The following SLC17A4 variants were observed in gnomAD, a reference collection of about 807,000 sequenced individuals.
SLC17A4 encodes solute carrier family 17 member 4.
SLC17A4 carries 33 observed loss-of-function variants against 52.5 expected under a neutral mutation model. That is an observed-to-expected ratio of 0.63 (90% CI 0.48 to 0.84). The LOEUF is 0.84. SLC17A4 is among the 40% of genes least tolerant of loss of function. SLC17A4 has a pLI of 0.00. For missense variants in SLC17A4, 585 were observed against 597.1 expected, an observed-to-expected ratio of 0.98 and a Z score of 0.21; for synonymous variants, 225 against 216.2, an observed-to-expected ratio of 1.04 and a Z score of -0.36.
Position 25,778,311 on chromosome 6 carries a change from A to G in SLC17A4, c.1359+295A>G, listed in dbSNP as rs1422509282. ...CATTCACTTACTGGTGAAAAACCAC[A>G]GGAAAGTTAAAGAATGACTTTCCTG... On this transcript the variant is annotated intron_variant, in intron 11 of 11. Coordinates refer to ENST00000377905, the MANE Select transcript of SLC17A4 (RefSeq NM_005495.3). 2.6e-5 allele frequency among the ~76,000 whole-genome samples: 4 copies of G among 151,834 alleles called. No individual in the cohort carries two copies. In the East Asian group the frequency reaches 7.7e-4, roughly 29 times the overall value.
At chr6:25,765,055 G>A (rs1380400240) in intron 2 of SLC17A4, among the ~76,000 whole-genome samples, 1 of 152,150 alleles carries the variant, frequency 6.6e-6, no homozygotes, top group Non-Finnish European at 1.5e-5. Context: ...CAGCATGGGT[G>A]GCCCTGTGCA....
rs1218191265 is a variant in SLC17A4, at chr6:25,777,919, C to G, written c.1269-7C>G. The G allele has an allele frequency of 1.2e-6, 2 of 1,606,274 alleles. No homozygotes were observed. The highest frequency in any genetic ancestry group is 2.7e-5 in the African/African-American group (2 of 74,760). ...GGTTATAATAGAGTACCATCTCTCT[C>G]TCTCAGGTACACTGGCTTTCTCAAA... On this transcript the variant is annotated splice_polypyrimidine_tract_variant and splice_region_variant and intron_variant, in intron 10 of 11. Coordinates refer to ENST00000377905, the MANE Select transcript of SLC17A4 (RefSeq NM_005495.3).
chr6:25,770,669 G>C (rs1762409577), intron 5 of SLC17A4, among the ~76,000 whole-genome samples, 198 bp downstream of exon 5: 1 of 152,080 alleles, frequency 6.6e-6, no homozygotes, highest in African/African-American at 2.4e-5. Context: ...CTTGTGTTTT[G>C]CACATATTTT....
intron 2 of SLC17A4, among the ~76,000 whole-genome samples, chr6:25,766,064 AT>A (rs1198945393): frequency 6.6e-6 from 1 of 151,208 alleles, no homozygotes; most frequent in Non-Finnish European, 1.5e-5. Context: ...AGGAATTATA[AT>A]TTATAATTAT....
In SLC17A4 at chr6:25,769,135, C is replaced by T; in HGVS notation, c.242C>T (p.Pro81Leu). The T allele has an allele frequency of 6.2e-7, 1 of 1,613,990 alleles. No individual in the cohort carries two copies. The highest frequency in any genetic ancestry group is 8.5e-7 in the Non-Finnish European group (1 of 1,179,916). ...CAGCCCAATGCTTCCACAGAACGGC[C>T]CTCCACTGACTCCCAGGGCTACTGG... ...PSQPNASTER[P>L]STDSQGYWNE... Residue 81 changes from proline (P) to leucine (L), a missense_variant, in exon 3 of 12, where the codon CCC becomes CTC. Transcript: ENST00000377905.
chr6:25,773,707 G>C, intron 8 of SLC17A4, 33 bp downstream of exon 8: 1 of 1,598,326 alleles, frequency 6.3e-7, no homozygotes, highest in East Asian at 2.2e-5. Context: ...CTGATCTTCT[G>C]TTTAAATGCT....
chr6:25,760,539 C>T (rs1479470509), intron 1 of SLC17A4, among the ~76,000 whole-genome samples: 4 of 152,046 alleles, frequency 2.6e-5, no homozygotes, highest in Non-Finnish European at 5.9e-5. Context: ...AATTCCTATC[C>T]GTTATTTCCT....
chr6:25,773,702 C>T (rs1192950044), intron 8 of SLC17A4, 28 bp downstream of exon 8: 4 of 1,604,106 alleles, frequency 2.5e-6, no homozygotes, highest in Non-Finnish European at 2.6e-6. Context: ...TCATTCTGAT[C>T]TTCTGTTTAA....
intron 5 of SLC17A4, 45 bp downstream of exon 5, chr6:25,770,516 A>G: frequency 6.4e-7 from 1 of 1,571,874 alleles, no homozygotes; most frequent in South Asian, 1.1e-5. Context: ...TGTCCAGGAG[A>G]ACTCAGCAAA....
intron 1 of SLC17A4, among the ~76,000 whole-genome samples, chr6:25,755,515 G>A (rs1760938155): frequency 6.6e-6 from 1 of 152,120 alleles, no homozygotes; most frequent in Non-Finnish European, 1.5e-5. Context: ...CTGATAACTA[G>A]CAGAGGAACA....
At chr6:25,770,870 CAT>C (rs1156714682) in intron 5 of SLC17A4, 54 bp from the exon 6 acceptor site, 1 of 1,359,902 alleles carries the variant, frequency 7.4e-7, no homozygotes, top group Non-Finnish European at 1.1e-6. Context: ...GTAGAAAGCA[CAT>C]AGAGCCCCAA....
chr6:25,769,161 A>G lies in SLC17A4; in HGVS notation c.268A>G (p.Asn90Asp). The G allele has an allele frequency of 6.2e-7, 1 of 1,614,064 alleles. No homozygotes were observed. Among genetic ancestry groups the G allele is most frequent in the Non-Finnish European group, 8.5e-7 (1 of 1,179,954 alleles). Residue 90 changes from asparagine to aspartate, a missense_variant, in exon 3 of 12, where the codon AAT (asparagine) becomes GAT (aspartate). Asn to Asp is a conservative substitution (Grantham distance 23). Coordinates refer to ENST00000377905, the MANE Select transcript of SLC17A4 (RefSeq NM_005495.3). ...RPSTDSQGYW[N>D]ETLKEFKAMA... ...CTCCACTGACTCCCAGGGCTACTGG[A>G]ATGAAACTCTAAAAGAATTTAAAGC...
At chr6:25,760,506 T>C (rs974988419) in intron 1 of SLC17A4, among the ~76,000 whole-genome samples, 1 of 152,194 alleles carries the variant, frequency 6.6e-6, no homozygotes, top group African/African-American at 2.4e-5. Flanking sequence ...CTGAGAAATC[T>C]TGTGGTTTCA....
At chr6:25,764,172 T>C (rs1279374999) in intron 2 of SLC17A4, among the ~76,000 whole-genome samples, 2 of 152,184 alleles carry the variant, frequency 1.3e-5, no homozygotes, top group East Asian at 3.9e-4. Context: ...TGGTTTCTCA[T>C]TGAGTTCGGC....
At chr6:25,756,479 T>G (rs1177423935) in intron 1 of SLC17A4, among the ~76,000 whole-genome samples, 1 of 152,154 alleles carries the variant, frequency 6.6e-6, no homozygotes, top group Admixed American at 6.5e-5. Flanking sequence ...TTTCATACCA[T>G]GTGGCATTCT....
At position 25,771,097 on chromosome 6, in the gene SLC17A4, T is replaced by C. The variant is rs553587152; in HGVS notation, c.706+85T>C. The C allele has an allele frequency of 2.3e-5, 25 of 1,093,890 alleles. No homozygotes were observed. The South Asian group carries it at 3.1e-4, about 13-fold the overall frequency. 67.8% of individuals were successfully genotyped at this position (1,093,890 alleles called of 1,614,324 possible). ...CTATGGTTAACCAAATCCTAATAGATATGGATATTTACATAGCTAAAGCTG... is the reference window on the plus strand; with the variant it reads ...CTATGGTTAACCAAATCCTAATAGACATGGATATTTACATAGCTAAAGCTG... On this transcript the variant is annotated intron_variant, in intron 6 of 11. Coordinates refer to ENST00000377905, the MANE Select transcript of SLC17A4 (RefSeq NM_005495.3).
At chr6:25,771,101 G>A in intron 6 of SLC17A4, 89 bp downstream of exon 6, 1 of 1,057,022 alleles carries the variant, frequency 9.5e-7, no homozygotes, top group Non-Finnish European at 1.5e-6. Flanking sequence ...AATAGATATG[G>A]ATATTTACAT....
intron 5 of SLC17A4, 108 bp downstream of exon 5, chr6:25,770,579 C>G: frequency 9.7e-7 from 1 of 1,031,712 alleles, no homozygotes; most frequent in Non-Finnish European, 1.5e-6. Flanking sequence ...TCTTCATAGT[C>G]CTTTCCTTAA....
chr6:25,777,816 T>A, intron 10 of SLC17A4, 110 bp from the exon 11 acceptor site: 1 of 825,916 alleles, frequency 1.2e-6, no homozygotes. Context: ...GCAGACCAGC[T>A]GATATTAACC....
Sources: allele counts gnomAD v4.1 joint callset (sites outside exome capture counted in the v4.1 genomes callset), GRCh38; gene constraint gnomAD v4.1.1; transcripts MANE v1.5; gene names NCBI Gene and HGNC (gene_info 2026-07-23, HGNC 2026-07-21).